The following LRRC69 variants were observed in gnomAD, a reference collection of about 807,000 sequenced individuals.
The protein encoded by LRRC69 is leucine-rich repeat-containing protein 69.
In LRRC69, 42 loss-of-function variants were observed where a neutral mutation model predicts 37.8. The observed-to-expected ratio is 1.11, with a 90% CI of 0.87 to 1.44. The LOEUF is 1.44. LRRC69 is among the 40% of genes most tolerant of loss of function. The pLI is 0.00. For synonymous variants in LRRC69, 141 were observed against 143.1 expected (o/e 0.99, Z 0.11); for missense variants, 357 against 401.9 (o/e 0.89, Z 0.96).
chr8:91,146,940 T>C (rs1444552519), intron 5 of LRRC69, among the ~76,000 whole-genome samples: 5 of 151,524 alleles, frequency 3.3e-5, no homozygotes, highest in Admixed American at 6.6e-5. Flanking sequence ...CTGTAATGCA[T>C]AGGACAGTCC....
At chr8:91,165,238 A>G (rs1809008392) in intron 5 of LRRC69, among the ~76,000 whole-genome samples, 1 of 151,714 alleles carries the variant, frequency 6.6e-6, no homozygotes, top group Admixed American at 6.6e-5. Context: ...GGGAATGTCA[A>G]AGAAATTTCA....
chr8:91,216,283 A>G (rs1810045867), intron 7 of LRRC69, among the ~76,000 whole-genome samples: 1 of 152,136 alleles, frequency 6.6e-6, no homozygotes, highest in Non-Finnish European at 1.5e-5. Context: ...CCTGCTTGCA[A>G]TAAGAGCCAA....
chr8:91,171,728 G>A (rs1328807977), intron 5 of LRRC69, among the ~76,000 whole-genome samples: 2 of 152,004 alleles, frequency 1.3e-5, no homozygotes, highest in Non-Finnish European at 2.9e-5. Flanking sequence ...TTGGTAATCA[G>A]AATCAGAGTG....
intron 5 of LRRC69, among the ~76,000 whole-genome samples, chr8:91,141,718 T>G (rs924969672): frequency 6.6e-6 from 1 of 152,170 alleles, no homozygotes; most frequent in South Asian, 2.1e-4. Context: ...AAATATGTGA[T>G]TTTTAATGAT....
chr8:91,129,221 CAG>C (rs959145500), intron 3 of LRRC69, among the ~76,000 whole-genome samples: 1 of 151,634 alleles, frequency 6.6e-6, no homozygotes, highest in African/African-American at 2.4e-5. Flanking sequence ...GTCTGGAAGA[CAG>C]AGAGAGAGAG....
chr8:91,200,437 A>G (rs11985772), intron 6 of LRRC69, among the ~76,000 whole-genome samples, 176 bp from the exon 7 acceptor site: 3,844 of 152,300 alleles, frequency 0.025, 177 homozygotes, highest in African/African-American at 0.086. Context: ...GATGAAAACC[A>G]AACTTATTTG....
intron 1 of LRRC69, among the ~76,000 whole-genome samples, chr8:91,108,254 T>C (rs574939928): frequency 9.9e-5 from 15 of 152,126 alleles, no homozygotes; most frequent in African/African-American, 3.4e-4. Context: ...CTTTTCATAC[T>C]TTTGCTGTCC....
chr8:91,103,328 T>C (rs771973971), intron 1 of LRRC69, among the ~76,000 whole-genome samples: 4 of 152,114 alleles, frequency 2.6e-5, no homozygotes, highest in Non-Finnish European at 4.4e-5. Flanking sequence ...AATGGAGTGT[T>C]GGCAGGGAAT....
chr8:91,173,822 C>A (rs531744312), intron 5 of LRRC69, among the ~76,000 whole-genome samples: 1 of 151,952 alleles, frequency 6.6e-6, no homozygotes, highest in Admixed American at 6.6e-5. Flanking sequence ...AGGGCTCAAC[C>A]CTCACAAACT....
chr8:91,194,735 T>C (rs545258665), intron 6 of LRRC69, among the ~76,000 whole-genome samples: 5 of 152,324 alleles, frequency 3.3e-5, no homozygotes, highest in African/African-American at 1.2e-4. Flanking sequence ...GATTCTTCTT[T>C]TTTTCTTTAT....
At chr8:91,194,478 G>A (rs1586278501) in intron 6 of LRRC69, among the ~76,000 whole-genome samples, 1 of 151,862 alleles carries the variant, frequency 6.6e-6, no homozygotes, top group East Asian at 1.9e-4. Context: ...ATCTGGTCCT[G>A]GACTCTTTTT....
intron 5 of LRRC69, among the ~76,000 whole-genome samples, chr8:91,176,134 A>ATATATATATATATATATATT: frequency 1.3e-5 from 1 of 75,710 alleles, no homozygotes; most frequent in African/African-American, 6.1e-5. Context: ...ATATATATAT[A>ATATATATATATATATATATT]TTTTTTTTTT....
chr8:91,179,251 G>C (rs542688027), intron 5 of LRRC69, among the ~76,000 whole-genome samples: 7 of 152,302 alleles, frequency 4.6e-5, no homozygotes, highest in African/African-American at 1.7e-4. Context: ...TCTGCTTCTG[G>C]AGAGGCCTCA....
intron 1 of LRRC69, among the ~76,000 whole-genome samples, chr8:91,120,225 A>C (rs1813595630): frequency 6.6e-6 from 1 of 152,014 alleles, no homozygotes. Context: ...TGCTAAATCC[A>C]GTGGTTATTT....
intron 5 of LRRC69, among the ~76,000 whole-genome samples, chr8:91,161,222 C>T (rs1808938240): frequency 2.0e-5 from 3 of 151,190 alleles, no homozygotes; most frequent in Non-Finnish European, 1.5e-5. Context: ...GTTTTTGCAT[C>T]TGTGTTCATC....
chr8:91,141,371 CAA>C (rs1376803574), intron 5 of LRRC69, among the ~76,000 whole-genome samples: 3 of 152,084 alleles, frequency 2.0e-5, no homozygotes, highest in Non-Finnish European at 4.4e-5. Flanking sequence ...GTTACATCTG[CAA>C]AGACTCTGTT....
intron 1 of LRRC69, among the ~76,000 whole-genome samples, chr8:91,106,467 C>T (rs1286542621): frequency 6.6e-6 from 1 of 151,936 alleles, no homozygotes; most frequent in East Asian, 1.9e-4. Context: ...AATAGAATAA[C>T]AACATCAACC....
chr8:91,119,478 TCTC>T (rs1273724497), intron 1 of LRRC69, among the ~76,000 whole-genome samples: 5 of 152,056 alleles, frequency 3.3e-5, no homozygotes, highest in African/African-American at 1.2e-4. Context: ...CTCTTCCTCT[TCTC>T]CAAGCTACAT....
At chr8:91,151,240 T>G (rs1165206063) in intron 5 of LRRC69, among the ~76,000 whole-genome samples, 2 of 151,900 alleles carry the variant, frequency 1.3e-5, no homozygotes, top group African/African-American at 2.4e-5. Flanking sequence ...TAAATTTCCC[T>G]CTACACAGTG....
Sources: allele counts gnomAD v4.1 joint callset (sites outside exome capture counted in the v4.1 genomes callset), GRCh38; gene constraint gnomAD v4.1.1; transcripts MANE v1.5; gene names NCBI Gene and HGNC (gene_info 2026-07-23, HGNC 2026-07-21).